CTNNA3: variants seen among roughly 807,000 people sequenced by gnomAD.
The protein encoded by CTNNA3 is catenin alpha-3.
Under a neutral mutation model 95.7 loss-of-function variants are expected in CTNNA3, and 76 were observed. The observed-to-expected ratio is 0.79, with a 90% CI of 0.66 to 0.96. CTNNA3 has a LOEUF of 0.96. Among genes scored for constraint, CTNNA3 ranks in the 40% least tolerant of loss-of-function variants. The pLI is 0.00. For synonymous variants in CTNNA3, 431 were observed against 374.4 expected (o/e 1.15, Z -1.74); for missense variants, 1,191 against 1,089.8 (o/e 1.09, Z -1.31).
At chr10:66,267,816 G>C (rs1321246029) in intron 13 of CTNNA3, among the ~76,000 whole-genome samples, 4 of 151,960 alleles carry the variant, frequency 2.6e-5, no homozygotes, top group Admixed American at 2.6e-4. Flanking sequence ...TTAGAAGAGG[G>C]TATCAAAAAG....
intron 3 of CTNNA3, among the ~76,000 whole-genome samples, chr10:67,548,918 G>T (rs1174450697): frequency 6.6e-6 from 1 of 151,514 alleles, no homozygotes; most frequent in Non-Finnish European, 1.5e-5. Context: ...ATAATAAAAA[G>T]ACAATCCTGT....
chr10:67,322,756 A>G (rs1392787436), intron 5 of CTNNA3, among the ~76,000 whole-genome samples: 4 of 152,152 alleles, frequency 2.6e-5, no homozygotes, highest in African/African-American at 9.7e-5. Context: ...GAATTGCTGG[A>G]TCAAATGATA....
chr10:66,711,258 C>CAAAAAAAAAAAAAA (rs56013857), intron 9 of CTNNA3, among the ~76,000 whole-genome samples: 7 of 118,100 alleles, frequency 5.9e-5, no homozygotes, highest in South Asian at 2.8e-4. Flanking sequence ...GAACAAGAAA[C>CAAAAAAAAAAAAAA]AAAAAAAAAA....
chr10:67,121,873 T>C (rs1859480829), intron 7 of CTNNA3, among the ~76,000 whole-genome samples: 1 of 151,524 alleles, frequency 6.6e-6, no homozygotes, highest in African/African-American at 2.4e-5. Flanking sequence ...ATCTTCCAGG[T>C]TTTCTAGAGA....
intron 9 of CTNNA3, among the ~76,000 whole-genome samples, chr10:66,715,747 C>A (rs988631043): frequency 6.6e-6 from 1 of 151,900 alleles, no homozygotes; most frequent in Non-Finnish European, 1.5e-5. Context: ...CACATGTGTT[C>A]CATAAAATTT....
chr10:67,255,314 A>AATT (rs1564515274), intron 5 of CTNNA3, among the ~76,000 whole-genome samples: 7 of 151,248 alleles, frequency 4.6e-5, no homozygotes, highest in South Asian at 2.1e-4. Context: ...ATAAATAAAT[A>AATT]AATAAATTAA....
chr10:66,967,962 G>A (rs182155938), intron 7 of CTNNA3, among the ~76,000 whole-genome samples: 2 of 152,136 alleles, frequency 1.3e-5, no homozygotes, highest in Admixed American at 1.3e-4. Context: ...TGATGAATGG[G>A]TTTTTTAACA....
At chr10:67,339,922 T>C (rs1009074262) in intron 5 of CTNNA3, among the ~76,000 whole-genome samples, 2 of 152,200 alleles carry the variant, frequency 1.3e-5, no homozygotes, top group Admixed American at 6.5e-5. Context: ...CAAAAATATT[T>C]TCTCACTTCA....
intron 7 of CTNNA3, among the ~76,000 whole-genome samples, chr10:66,950,348 G>GA (rs1392759686): frequency 3.3e-5 from 5 of 151,374 alleles, no homozygotes; most frequent in African/African-American, 1.2e-4. Flanking sequence ...TTACAGGGAG[G>GA]AAAAAATCTT....
intron 7 of CTNNA3, among the ~76,000 whole-genome samples, chr10:67,079,956 G>A (rs2619656): frequency 0.55 from 83,190 of 151,292 alleles, 24,087 homozygotes; most frequent in African/African-American, 0.74. Flanking sequence ...GTCAAGAGAG[G>A]AGTAAAATAA....
intron 13 of CTNNA3, among the ~76,000 whole-genome samples, chr10:66,179,312 TATAC>T (rs1298727526): frequency 5.3e-5 from 8 of 152,030 alleles, no homozygotes; most frequent in African/African-American, 1.9e-4. Flanking sequence ...AAAAAGGCTA[TATAC>T]TGTATGAAAA....
chr10:67,368,033 A>G (rs1044371604), intron 5 of CTNNA3, among the ~76,000 whole-genome samples: 1 of 152,156 alleles, frequency 6.6e-6, no homozygotes, highest in Non-Finnish European at 1.5e-5. Context: ...CCTTGAATCT[A>G]AAACAGAAGC....
In CTNNA3 at chr10:67,563,629, T is replaced by A. The variant is rs572817666; in HGVS notation, c.293-23960A>T. On this transcript the variant is annotated intron_variant, in intron 3 of 17. Transcript: ENST00000433211. The stretch of plus-strand genomic sequence containing the variant: ...ACCAAGAGCAATGGCAACAAAAGCC[T>A]AAATTGACAAATGGGATCTAATTAA... 5.3e-5 allele frequency among the ~76,000 whole-genome samples: 8 copies of A among 152,102 alleles called. No homozygotes were observed. The East Asian group carries it at 5.8e-4, about 11-fold the overall frequency.
At chr10:66,701,872 T>C (rs909716221) in intron 9 of CTNNA3, among the ~76,000 whole-genome samples, 2 of 152,266 alleles carry the variant, frequency 1.3e-5, no homozygotes, top group African/African-American at 4.8e-5. Flanking sequence ...CAAAATTCAT[T>C]TATGTTTTAT....
At chr10:66,476,792 T>C (rs1448374206) in intron 11 of CTNNA3, among the ~76,000 whole-genome samples, 2 of 152,110 alleles carry the variant, frequency 1.3e-5, no homozygotes, top group East Asian at 1.9e-4. Flanking sequence ...ATCCTTAGAA[T>C]TGATTATTCT....
chr10:67,153,100 C>A (rs1323425809), intron 7 of CTNNA3, among the ~76,000 whole-genome samples: 2 of 151,972 alleles, frequency 1.3e-5, no homozygotes. Context: ...CTCAGCCTCC[C>A]GAGTAGCTGG....
At chr10:67,739,557 A>G (rs1377613620) in intron 1 of CTNNA3, among the ~76,000 whole-genome samples, 1 of 151,956 alleles carries the variant, frequency 6.6e-6, no homozygotes, top group Non-Finnish European at 1.5e-5. Context: ...CCCATTCACA[A>G]TTGCTTCAAA....
chr10:66,944,184 TGCTTC>T lies in CTNNA3; in HGVS notation c.1048-168665_1048-168661del, dbSNP rs1193307574. 2.6e-5 allele frequency among the ~76,000 whole-genome samples: 4 copies of T among 152,226 alleles called. No individual in the cohort carries two copies. The East Asian group carries it at 7.7e-4, about 29-fold the overall frequency. On this transcript the variant is annotated intron_variant, in intron 7 of 17. Coordinates refer to ENST00000433211, the MANE Select transcript of CTNNA3 (RefSeq NM_013266.4). Reference sequence around the variant, plus strand: ...AGTCAATCCTCTCAAACTCTGCCACTGCTTCATCAAATAAGTTTATAAGTTTATGA... The same window carrying T: ...AGTCAATCCTCTCAAACTCTGCCACTATCAAATAAGTTTATAAGTTTATGA...
chr10:67,546,042 A>T (rs1468946966), intron 3 of CTNNA3, among the ~76,000 whole-genome samples: 1 of 152,230 alleles, frequency 6.6e-6, no homozygotes, highest in Non-Finnish European at 1.5e-5. Flanking sequence ...AAGATTTTAA[A>T]ATAGAGCTAA....
Sources: allele counts gnomAD v4.1 joint callset (sites outside exome capture counted in the v4.1 genomes callset), GRCh38; gene constraint gnomAD v4.1.1; transcripts MANE v1.5; gene names NCBI Gene and HGNC (gene_info 2026-07-23, HGNC 2026-07-21).